Variants in LMNTD1 observed in about 807,000 individuals in gnomAD.
LMNTD1 encodes lamin tail domain containing 1.
Under a neutral mutation model 50.9 loss-of-function variants are expected in LMNTD1, and 35 were observed. The observed-to-expected ratio is 0.69, with a 90% confidence interval of 0.53 to 0.91. The LOEUF (loss-of-function observed/expected upper bound fraction) is 0.91. LMNTD1 is among the 40% of genes least tolerant of loss of function. The probability of loss-of-function intolerance (pLI) is 0.00; values close to 1 mark genes in which losing one functional copy is unlikely to be tolerated. For synonymous variants in LMNTD1, 153 were observed against 161.9 expected (o/e 0.94, Z 0.42); for missense variants, 470 against 475.5 (o/e 0.99, Z 0.11).
intron 1 of LMNTD1, among the ~76,000 whole-genome samples, chr12:25,622,416 A>G (rs1046434266): frequency 1.3e-5 from 2 of 151,828 alleles, no homozygotes; most frequent in African/African-American, 4.8e-5. Context: ...CTAACATAAA[A>G]AGAAAAGTTG....
intron 4 of LMNTD1, among the ~76,000 whole-genome samples, chr12:25,528,148 G>T (rs59066933): frequency 0.15 from 23,138 of 151,994 alleles, 1,896 homozygotes; most frequent in African/African-American, 0.21. Context: ...AATAACATAC[G>T]TATTTCTCAT....
In LMNTD1 at chr12:25,594,909, C is replaced by T. The variant is rs114351269; in HGVS notation, c.59-48355G>A. On this transcript the variant is annotated intron_variant, in intron 1 of 7. Transcript: ENST00000445693. Reference sequence around the variant, plus strand: ...AAAAGACATTCCATGCAAATAGACACCAAAAGCCAGCAGGTGTACTATTCT... The same window carrying T: ...AAAAGACATTCCATGCAAATAGACATCAAAAGCCAGCAGGTGTACTATTCT... 9.7e-3 allele frequency among the ~76,000 whole-genome samples: 1,473 copies of T among 152,116 alleles called. 14 individuals carry two copies. The highest frequency in any genetic ancestry group is 0.033 in the African/African-American group (1,387 of 41,504).
intron 9 of LMNTD1, among the ~76,000 whole-genome samples, chr12:25,478,816 CCTT>C (rs1245582739): frequency 3.3e-5 from 5 of 152,016 alleles, no homozygotes; most frequent in Non-Finnish European, 7.4e-5. Context: ...TTGATGACTA[CCTT>C]CTTCTACTAC....
intron 9 of LMNTD1, among the ~76,000 whole-genome samples, chr12:25,496,235 T>C (rs146908177): frequency 6.6e-6 from 1 of 152,230 alleles, no homozygotes; most frequent in Non-Finnish European, 1.5e-5. Context: ...TTGGCCATAG[T>C]CACCAGAGCC....
At chr12:25,612,328 A>ACG (rs55829465) in intron 1 of LMNTD1, among the ~76,000 whole-genome samples, 54,976 of 146,268 alleles carry the variant, frequency 0.38, 12,689 homozygotes, top group Non-Finnish European at 0.53. Context: ...ACACACACAC[A>ACG]CGCGCTCCCA....
At chr12:25,489,004 T>C (rs1030028097) in intron 9 of LMNTD1, among the ~76,000 whole-genome samples, 1 of 152,204 alleles carries the variant, frequency 6.6e-6, no homozygotes, top group Non-Finnish European at 1.5e-5. Flanking sequence ...TCCAGCTGTG[T>C]GCTGGGAGAA....
chr12:25,492,778 A>G (rs1377037516), intron 9 of LMNTD1, among the ~76,000 whole-genome samples: 2 of 152,200 alleles, frequency 1.3e-5, no homozygotes, highest in Non-Finnish European at 2.9e-5. Flanking sequence ...ACTATCCTAC[A>G]TGCTGCTGGA....
chr12:25,532,827 A>G (rs1243449880), intron 4 of LMNTD1, among the ~76,000 whole-genome samples: 1 of 152,056 alleles, frequency 6.6e-6, no homozygotes, highest in East Asian at 1.9e-4. Context: ...TGTCATCCTC[A>G]TCTTACTGTT....
rs745735879 is a variant in LMNTD1 at position 25,523,816 on chromosome 12, T to TAA, written c.798+2281_798+2282dup. 3.2e-3 allele frequency among the ~76,000 whole-genome samples: 260 copies of TAA among 80,562 alleles called. 3 individuals carry two copies. Among genetic ancestry groups the TAA allele is most frequent in the African/African-American group, 0.01 (241 of 24,010 alleles). The allele number at this position is 80,562 out of a possible 152,430, so 52.9% of individuals were successfully genotyped here. On this transcript the variant is annotated intron_variant, in intron 6 of 9. Coordinates refer to ENST00000458174, the MANE Select transcript of LMNTD1 (RefSeq NM_001145728.2). The stretch of plus-strand genomic sequence containing the variant: ...AATTTCCAATGGGATGTGACTCAGG[T>TAA]AAAAAAAAAAAAAAAAAAAAGCTTG...
chr12:25,532,602 C>T (rs117301861), intron 4 of LMNTD1, among the ~76,000 whole-genome samples: 1 of 152,050 alleles, frequency 6.6e-6, no homozygotes, highest in Non-Finnish European at 1.5e-5. Flanking sequence ...ATGGGTGTAA[C>T]CTTCTATGAA....
At chr12:25,523,988 G>A (rs1408526420) in intron 6 of LMNTD1, among the ~76,000 whole-genome samples, 1 of 152,154 alleles carries the variant, frequency 6.6e-6, no homozygotes, top group East Asian at 1.9e-4. Context: ...AAGTAGGGCA[G>A]TGTGGCTAGA....
intron 6 of LMNTD1, among the ~76,000 whole-genome samples, chr12:25,525,738 A>G (rs922560242): frequency 6.6e-6 from 1 of 152,098 alleles, no homozygotes; most frequent in Non-Finnish European, 1.5e-5. Flanking sequence ...CATAAGGATA[A>G]CTATCCATTC....
intron 5 of LMNTD1, 106 bp downstream of exon 5, chr12:25,526,663 G>C (rs1434860724): frequency 1.4e-6 from 1 of 734,442 alleles, no homozygotes; most frequent in Non-Finnish European, 2.2e-6. Context: ...CTTACGTACA[G>C]ATCCAGATAG....
At chr12:25,510,241 G>GT (rs551737896) in intron 8 of LMNTD1, among the ~76,000 whole-genome samples, 5,742 of 142,254 alleles carry the variant, frequency 0.04, 172 homozygotes, top group African/African-American at 0.079. Context: ...AATCCTTCCA[G>GT]TTTTTTTTTT....
chr12:25,488,869 C>G (rs1311279901), intron 9 of LMNTD1, among the ~76,000 whole-genome samples: 10 of 152,152 alleles, frequency 6.6e-5, no homozygotes, highest in Non-Finnish European at 8.8e-5. Flanking sequence ...AGCTGCAGGT[C>G]TGTTGGAATA....
intron 6 of LMNTD1, among the ~76,000 whole-genome samples, chr12:25,522,652 T>C (rs142226938): frequency 1.4e-3 from 215 of 152,298 alleles, no homozygotes; most frequent in African/African-American, 5.1e-3. Flanking sequence ...TCCTATTGTA[T>C]AGGACTGGTC....
intron 1 of LMNTD1, among the ~76,000 whole-genome samples, chr12:25,635,367 G>A (rs1946809966): frequency 6.6e-6 from 1 of 150,840 alleles, no homozygotes; most frequent in Non-Finnish European, 1.5e-5. Context: ...ATCAAACTAA[G>A]AATTCAACCC....
intron 1 of LMNTD1, among the ~76,000 whole-genome samples, chr12:25,639,886 A>G (rs1215960667): frequency 1.3e-5 from 2 of 152,226 alleles, no homozygotes; most frequent in Non-Finnish European, 2.9e-5. Flanking sequence ...TAGCCAAAAA[A>G]TGGAAACAAC....
chr12:25,557,492 C>T (rs1438695277), upstream of LMNTD1: 1 of 152,174 alleles, frequency 6.6e-6, no homozygotes, highest in East Asian at 1.9e-4. Flanking sequence ...AATTACTTTA[C>T]ACATTACATG....
Sources: allele counts gnomAD v4.1 joint callset (sites outside exome capture counted in the v4.1 genomes callset), GRCh38; gene constraint gnomAD v4.1.1; transcripts MANE v1.5; gene names NCBI Gene and HGNC (gene_info 2026-07-23, HGNC 2026-07-21).